TGFA: variants seen among roughly 807,000 people sequenced by gnomAD.
TGFA encodes transforming growth factor alpha, also known as protransforming growth factor alpha.
TGFA carries 12 observed loss-of-function variants against 21.7 expected under a neutral mutation model. The observed-to-expected ratio is 0.55, with a 90% CI of 0.35 to 0.90. The LOEUF (loss-of-function observed/expected upper bound fraction) is 0.90. Among genes scored for constraint, TGFA ranks in the 40% least tolerant of loss-of-function variants. The pLI, the probability that TGFA is intolerant of heterozygous loss-of-function variation, is 0.01. For missense variants in TGFA, 178 were observed against 210.8 expected (o/e 0.84, Z 0.96); for synonymous variants, 79 against 88.1 (o/e 0.90, Z 0.58).
chr2:70,553,823 G>T lies in TGFA; in HGVS notation c.-56C>A. On this transcript the variant is annotated 5_prime_UTR_variant, in exon 1 of 6. Transcript: ENST00000295400. ...GCCTCCTGCCCTACCTGCGGTGCCC[G>T]AGTGGCGGAGCGGCGCCGCGGTGCG... The T allele has an allele frequency of 8.0e-7, 1 of 1,246,700 alleles. No individual in the cohort carries two copies. Among genetic ancestry groups the T allele is most frequent in the South Asian group, 3.9e-5 (1 of 25,410 alleles). The allele number at this position is 1,246,700 out of a possible 1,614,324, so 77.2% of individuals were successfully genotyped here. A position where few individuals can be genotyped will look rare whatever the true frequency, so the allele number is the denominator to read the frequency against.
At chr2:70,461,655 CTTTG>C (rs1183009714) in intron 3 of TGFA, 3 of 152,170 alleles carry the variant, frequency 2.0e-5, no homozygotes, top group East Asian at 1.9e-4. Flanking sequence ...AACGGTTTTC[CTTTG>C]TTTGAAGGCT....
chr2:70,521,088 C>T (rs782489750), intron 1 of TGFA, among the ~76,000 whole-genome samples: 9 of 150,264 alleles, frequency 6.0e-5, no homozygotes, highest in Non-Finnish European at 1.3e-4. Flanking sequence ...GGTTTTCTTG[C>T]CAACAGCTTA....
intron 2 of TGFA, among the ~76,000 whole-genome samples, chr2:70,482,574 A>T (rs1419401490): frequency 6.6e-6 from 1 of 152,202 alleles, no homozygotes; most frequent in Non-Finnish European, 1.5e-5. Context: ...CTGTTTCTCC[A>T]CTTAAACTAC....
chr2:70,545,239 CAAA>C (rs1553505702), intron 1 of TGFA, among the ~76,000 whole-genome samples: 1 of 151,040 alleles, frequency 6.6e-6, no homozygotes, highest in Non-Finnish European at 1.5e-5. Flanking sequence ...ATGAAGAAGA[CAAA>C]GAAGACGAAG....
At chr2:70,534,415 G>T (rs1269765106) in intron 1 of TGFA, among the ~76,000 whole-genome samples, 2 of 152,204 alleles carry the variant, frequency 1.3e-5, no homozygotes, top group African/African-American at 4.8e-5. Flanking sequence ...GGGATGAGGA[G>T]GAGGTGAAGC....
At chr2:70,513,470 T>C (rs1025823463) in intron 2 of TGFA, among the ~76,000 whole-genome samples, 3 of 152,140 alleles carry the variant, frequency 2.0e-5, no homozygotes, top group Admixed American at 2.0e-4. Flanking sequence ...AGATGCACTG[T>C]TTTGAGGTGG....
chr2:70,523,850 C>T (rs1343127027), intron 1 of TGFA, among the ~76,000 whole-genome samples: 1 of 152,144 alleles, frequency 6.6e-6, no homozygotes, highest in East Asian at 1.9e-4. Flanking sequence ...CTAACAAGTG[C>T]CCAGAACTGA....
chr2:70,518,980 T>G (rs1372261419), intron 1 of TGFA, among the ~76,000 whole-genome samples: 2 of 152,192 alleles, frequency 1.3e-5, no homozygotes, highest in Non-Finnish European at 2.9e-5. Flanking sequence ...AGGGTAAGTT[T>G]TTGTTTTCAG....
chr2:70,466,021 A>T (rs1368718831), intron 2 of TGFA, among the ~76,000 whole-genome samples: 1 of 152,188 alleles, frequency 6.6e-6, no homozygotes, highest in Admixed American at 6.5e-5. Context: ...CTATTTCAAC[A>T]CAAGAGCTAC....
intron 1 of TGFA, among the ~76,000 whole-genome samples, chr2:70,526,708 G>A (rs558902118): frequency 2.5e-4 from 38 of 152,292 alleles, no homozygotes; most frequent in Admixed American, 2.3e-3. Context: ...TACCAACCCT[G>A]CTCTAGTCCA....
At chr2:70,457,143 G>A (rs1279925801) in intron 3 of TGFA, among the ~76,000 whole-genome samples, 2 of 152,188 alleles carry the variant, frequency 1.3e-5, no homozygotes, top group African/African-American at 4.8e-5. Flanking sequence ...ACAGTGTGGT[G>A]CTAATACCAG....
At chr2:70,537,510 A>G (rs1673008529) in intron 1 of TGFA, among the ~76,000 whole-genome samples, 1 of 152,244 alleles carries the variant, frequency 6.6e-6, no homozygotes, top group Non-Finnish European at 1.5e-5. Context: ...TTCTTGGAGA[A>G]AATTAAAAGT....
chr2:70,454,441 G>A lies in TGFA; in HGVS notation c.366-1114C>T, dbSNP rs531030155. 3.3e-5 allele frequency among the ~76,000 whole-genome samples: 5 copies of A among 152,352 alleles called. No individual in the cohort carries two copies. In the East Asian group the frequency reaches 9.6e-4, roughly 29 times the overall value. ...CCCAGAGCAGTGTGCCTGGGCACGA[G>A]GCCCTTCTGAGTTGCAGAGTCTGGG... is the stretch of plus-strand genomic sequence containing the variant. On this transcript the variant is annotated intron_variant, in intron 4 of 5. Coordinates refer to ENST00000295400, the MANE Select transcript of TGFA (RefSeq NM_003236.4).
intron 2 of TGFA, among the ~76,000 whole-genome samples, chr2:70,510,833 T>C (rs555068344): frequency 6.6e-6 from 1 of 152,178 alleles, no homozygotes; most frequent in Non-Finnish European, 1.5e-5. Flanking sequence ...CACAGAACTT[T>C]TTTTTTCCCC....
chr2:70,501,922 T>C (rs1574108438), intron 2 of TGFA, among the ~76,000 whole-genome samples: 1 of 152,238 alleles, frequency 6.6e-6, no homozygotes, highest in Non-Finnish European at 1.5e-5. Context: ...AGGGCTTCTG[T>C]GGAGCAAGCG....
At chr2:70,553,363 G>T in intron 1 of TGFA, 4 of 1,463,942 alleles carry the variant, frequency 2.7e-6, no homozygotes, top group Non-Finnish European at 2.7e-6. Flanking sequence ...CGCCAGCGAC[G>T]CCGGCTGAGC....
chr2:70,483,966 C>A (rs191641961), intron 2 of TGFA, among the ~76,000 whole-genome samples: 34 of 152,286 alleles, frequency 2.2e-4, no homozygotes, highest in Admixed American at 3.3e-4. Flanking sequence ...TTCTCATGAA[C>A]CCTTTGACTA....
intron 1 of TGFA, among the ~76,000 whole-genome samples, chr2:70,520,513 C>T (rs80218390): frequency 6.7e-6 from 1 of 149,284 alleles, no homozygotes; most frequent in African/African-American, 2.5e-5. Context: ...GACTCCCACT[C>T]CAAAAAAAAA....
At chr2:70,532,872 T>A (rs1239948867) in intron 1 of TGFA, among the ~76,000 whole-genome samples, 1 of 151,840 alleles carries the variant, frequency 6.6e-6, no homozygotes, top group Non-Finnish European at 1.5e-5. Flanking sequence ...TTTCTTTTTT[T>A]TTTTTTTTAA....
Sources: gnomAD v4.1 joint callset for allele counts (sites outside exome capture counted in the v4.1 genomes callset) on GRCh38, gnomAD v4.1.1 for gene constraint, MANE v1.5 for transcripts, NCBI Gene and HGNC (gene_info 2026-07-23, HGNC 2026-07-21) for gene names.